MTG1: variants seen among roughly 807,000 people sequenced by gnomAD.
MTG1 encodes the protein mitochondrial ribosome-associated GTPase 1.
A neutral mutation model predicts 39.5 loss-of-function variants in MTG1; 30 were observed. That is an observed-to-expected ratio of 0.76 (90% confidence interval 0.57 to 1.03). The LOEUF (loss-of-function observed/expected upper bound fraction) is 1.03. Among genes scored for constraint, MTG1 ranks in the 50% least tolerant of loss-of-function variants. The pLI is 0.00. For synonymous variants in MTG1, 217 were observed against 179.0 expected, an observed-to-expected ratio of 1.21 and a Z score of -1.69; for missense variants, 513 against 447.4, an observed-to-expected ratio of 1.15 and a Z score of -1.32.
intron 1 of MTG1, among the ~76,000 whole-genome samples, chr10:133,395,217 A>C (rs1377306307): frequency 6.6e-6 from 1 of 152,086 alleles, no homozygotes; most frequent in Non-Finnish European, 1.5e-5. Flanking sequence ...AGCATGGTGA[A>C]ACCGTGTCTC....
intron 6 of MTG1, chr10:133,399,928 C>T (rs1040435970): frequency 7.4e-6 from 2 of 271,676 alleles, no homozygotes; most frequent in African/African-American, 4.5e-5. Context: ...GTGCATGGCT[C>T]ACGCCTGTAA....
intron 9 of MTG1, among the ~76,000 whole-genome samples, chr10:133,414,069 G>A (rs1447236925): frequency 3.4e-5 from 5 of 149,234 alleles, no homozygotes; most frequent in Non-Finnish European, 5.9e-5. Flanking sequence ...GCGACCTTCC[G>A]CAGTGTTTGT....
At chr10:133,407,354 T>G (rs960379228) in intron 9 of MTG1, among the ~76,000 whole-genome samples, 1 of 152,190 alleles carries the variant, frequency 6.6e-6, no homozygotes, top group Non-Finnish European at 1.5e-5. Flanking sequence ...TGATAACGAT[T>G]GCATTAAATC....
rs752228294 is a variant in MTG1, at chr10:133,419,584, C to T, written c.857C>T (p.Thr286Met). The change falls in exon 10 of 11, where the codon ACG becomes ATG. Residue 286 changes from threonine (T) to methionine (M), a missense_variant. Physicochemically the swap from Thr to Met is moderately conservative, Grantham distance 81. Coordinates refer to ENST00000317502, the MANE Select transcript of MTG1 (RefSeq NM_138384.4). Reference sequence around the variant, plus strand: ...AAGACGCAGAAGGTGAAGGTGCTCACGGGCACGGGTGAGTGAGGTCGCTGA... The same window carrying T: ...AAGACGCAGAAGGTGAAGGTGCTCATGGGCACGGGTGAGTGAGGTCGCTGA... ...LGKTQKVKVLTGTGNVNIIQP... is the reference protein window; with the variant it reads ...LGKTQKVKVLMGTGNVNIIQP... 2.6e-5 allele frequency: 42 copies of T among 1,602,258 alleles called. No homozygotes were observed. The highest frequency in any genetic ancestry group is 1.1e-4 in the South Asian group (10 of 89,002).
At chr10:133,412,285 C>A (rs571908185) in intron 9 of MTG1, among the ~76,000 whole-genome samples, 13 of 152,064 alleles carry the variant, frequency 8.5e-5, no homozygotes, top group Admixed American at 6.5e-5. Context: ...ATTAACTCTT[C>A]GCTATTTTTG....
Position 133,402,309 on chromosome 10 carries a change from G to A in MTG1, c.670+64G>A, listed in dbSNP as rs1031024091. 1.3e-6 allele frequency: 2 copies of A among 1,592,048 alleles called. No homozygotes were observed. The highest frequency in any genetic ancestry group is 1.7e-6 in the Non-Finnish European group (2 of 1,163,720). ...GGGCCCCTGCCACCCCACCTTTAGGGCTGGCTTTGGCACAGGGCCCCTAGA... is the reference window on the plus strand; with the variant it reads ...GGGCCCCTGCCACCCCACCTTTAGGACTGGCTTTGGCACAGGGCCCCTAGA... On this transcript the variant is annotated intron_variant, in intron 8 of 10. Transcript: ENST00000317502. This position sits in a 1 kb window ranked among gnomAD's most constrained non-coding sequence, Gnocchi z 4.7.
intron 9 of MTG1, among the ~76,000 whole-genome samples, chr10:133,403,626 C>T (rs936751210): frequency 6.6e-6 from 1 of 152,206 alleles, no homozygotes; most frequent in Non-Finnish European, 1.5e-5. Flanking sequence ...TTTTTGTTGC[C>T]AGGCGGTTTC....
intron 7 of MTG1, 163 bp downstream of exon 7, chr10:133,401,753 T>C (rs1479552945): frequency 1.4e-6 from 1 of 737,984 alleles, no homozygotes; most frequent in Non-Finnish European, 2.4e-6. Context: ...CTGCCCTTAT[T>C]CCACAGTCGT....
Position 133,394,231 on chromosome 10 carries a change from C to A in MTG1, c.11C>A (p.Thr4Asn). 6.6e-7 allele frequency: 1 copy of A among 1,516,550 alleles called. No individual in the cohort carries two copies. Among genetic ancestry groups the A allele is most frequent in the East Asian group, 2.7e-5 (1 of 37,226 alleles). 93.9% of individuals were successfully genotyped at this position (1,516,550 alleles called of 1,614,324 possible). A position where few individuals can be genotyped will look rare whatever the true frequency, so the allele number is the denominator to read the frequency against. ...GGGGACGGTGCCGCCATGAGATTGA[C>A]CCCGCGCGCGCTGTGCAGCGCCGCC... MRLTPRALCSAAQA... is the reference protein window; with the variant it reads MRLNPRALCSAAQA... Residue 4 changes from threonine to asparagine, a missense_variant, in exon 1 of 11, where the codon ACC (threonine) becomes AAC (asparagine). By Grantham distance (65) the Thr-to-Asn change is moderately conservative. Transcript: ENST00000317502.
Position 133,420,471 on chromosome 10 carries a change from C to T in MTG1, c.*306C>T, listed in dbSNP as rs1045583921. 3.2e-5 allele frequency: 11 copies of T among 347,154 alleles called. No individual in the cohort carries two copies. The highest frequency in any genetic ancestry group is 2.3e-4 in the African/African-American group (11 of 47,580). 21.5% of individuals were successfully genotyped at this position (347,154 alleles called of 1,614,324 possible). ...GTCTCAGAAGGAGTTAAAGCTATAA[C>T]CTGTAACCTTTAAAATCTCCAGTTA... On this transcript the variant is annotated 3_prime_UTR_variant, in exon 11 of 11. Coordinates refer to ENST00000317502, the MANE Select transcript of MTG1 (RefSeq NM_138384.4).
intron 9 of MTG1, among the ~76,000 whole-genome samples, chr10:133,406,719 G>A (rs1849975899): frequency 1.4e-5 from 2 of 139,280 alleles, no homozygotes; most frequent in South Asian, 4.8e-4. Context: ...AGGCTGGAGT[G>A]CAGTGGCACG....
chr10:133,394,206 G>C lies in MTG1; in HGVS notation c.-15G>C. 6.6e-7 allele frequency: 1 copy of C among 1,507,722 alleles called. No individual in the cohort carries two copies. Among genetic ancestry groups the C allele is most frequent in the Non-Finnish European group, 8.8e-7 (1 of 1,131,690 alleles). The allele number at this position is 1,507,722 out of a possible 1,614,324, so 93.4% of individuals were successfully genotyped here. On this transcript the variant is annotated 5_prime_UTR_variant, in exon 1 of 11. Transcript: ENST00000317502. ...GGAGGTCAGCTGCGGGAGCGTTTCC[G>C]GGGACGGTGCCGCCATGAGATTGAC... is the stretch of plus-strand genomic sequence containing the variant.
rs896202464 is a variant in MTG1, at chr10:133,394,581, T to A, written c.112+249T>A. On this transcript the variant is annotated intron_variant, in intron 1 of 10. Transcript: ENST00000317502. ...GCGGCGCAGCCTCGGACCCAGGGCC[T>A]GCTTGACCTCCTACCTCTGGCCCGC... 8.7e-5 allele frequency: 115 copies of A among 1,320,474 alleles called. No homozygotes were observed. The South Asian group carries it at 9.3e-4, about 11-fold the overall frequency. The allele number at this position is 1,320,474 out of a possible 1,614,324, so 81.8% of individuals were successfully genotyped here. A position where few individuals can be genotyped will look rare whatever the true frequency, so the allele number is the denominator to read the frequency against.
intron 3 of MTG1, among the ~76,000 whole-genome samples, chr10:133,398,127 G>C (rs947296344): frequency 6.6e-6 from 1 of 152,216 alleles, no homozygotes; most frequent in African/African-American, 2.4e-5. Flanking sequence ...CTGAATCAGT[G>C]AAGGACTTGT....
At chr10:133,399,330 G>T in intron 5 of MTG1, 104 bp downstream of exon 5, 1 of 1,395,560 alleles carries the variant, frequency 7.2e-7, no homozygotes, top group East Asian at 2.4e-5. Context: ...CCCAGGCAGG[G>T]AGGCCCCTCC....
At position 133,409,929 on chromosome 10, in the gene MTG1, A is replaced by G. The variant is rs138802926; in HGVS notation, c.752+7156A>G. ...TTTTTTTTTTTTGGTTTCTGTTTACATGGAATATGTTTTTCCACCCTTTGA... is the reference window on the plus strand; with the variant it reads ...TTTTTTTTTTTTGGTTTCTGTTTACGTGGAATATGTTTTTCCACCCTTTGA... On this transcript the variant is annotated intron_variant, in intron 9 of 10. Transcript: ENST00000317502. Among the ~76,000 whole-genome samples, 3 of 146,724 alleles carry G rather than the reference A, an allele frequency of 2.0e-5. No homozygotes were observed. In the East Asian group the frequency reaches 5.9e-4, roughly 29 times the overall value.
rs147046336 is a variant in MTG1, at chr10:133,421,900, C to CGGGGGGGGGGGGGGGGGGGGGGG, written c.*1737_*1738insGGGGGGGGGGGGGGGGGGGGGGG. The CGGGGGGGGGGGGGGGGGGGGGGG allele has an allele frequency of 8.6e-6, 1 of 115,862 alleles. No individual in the cohort carries two copies. Among genetic ancestry groups the CGGGGGGGGGGGGGGGGGGGGGGG allele is most frequent in the Non-Finnish European group, 1.8e-5 (1 of 55,850 alleles). 7.2% of individuals were successfully genotyped at this position (115,862 alleles called of 1,614,324 possible). ...TGGAGAGGGTGAGATCCCAAGGCCA[C>CGGGGGGGGGGGGGGGGGGGGGGG]GGCGGGGGGCAGGGAGAACCCCTCC... On this transcript the variant is annotated 3_prime_UTR_variant, in exon 11 of 11. Transcript: ENST00000317502.
At position 133,421,085 on chromosome 10, in the gene MTG1, CTT is replaced by C. The variant is rs1199349324; in HGVS notation, c.*922_*923del. 6.6e-6 allele frequency: 1 copy of C among 152,318 alleles called. No homozygotes were observed. Among genetic ancestry groups the C allele is most frequent in the African/African-American group, 2.4e-5 (1 of 41,442 alleles). The allele number at this position is 152,318 out of a possible 1,614,324, so 9.4% of individuals were successfully genotyped here. A position where few individuals can be genotyped will look rare whatever the true frequency, so the allele number is the denominator to read the frequency against. On this transcript the variant is annotated 3_prime_UTR_variant, in exon 11 of 11. Transcript: ENST00000317502. ...TCCTGTGCAGAAGCTCCGGCTGCCTCTTTGCGGTGGTGGCCTGACCGTCCCAC... is the reference window on the plus strand; with the variant it reads ...TCCTGTGCAGAAGCTCCGGCTGCCTCTGCGGTGGTGGCCTGACCGTCCCAC...
At position 133,402,844 on chromosome 10, in the gene MTG1, C is replaced by A. The variant is rs1049415280; in HGVS notation, c.752+71C>A. The stretch of plus-strand genomic sequence containing the variant: ...ACCTCATTTAAAAAAAAAAAACAAA[C>A]AAAAAAACCCCCAGCATTATAAAGG... On this transcript the variant is annotated intron_variant, in intron 9 of 10. Coordinates refer to ENST00000317502, the MANE Select transcript of MTG1 (RefSeq NM_138384.4). The surrounding 1 kb of genome is among the most constrained non-coding windows in gnomAD (Gnocchi z 4.7). 41 of 1,112,714 alleles carry A rather than the reference C, an allele frequency of 3.7e-5. No homozygotes were observed. Among genetic ancestry groups the A allele is most frequent in the Non-Finnish European group, 4.9e-5 (38 of 777,660 alleles). The allele number at this position is 1,112,714 out of a possible 1,614,324, so 68.9% of individuals were successfully genotyped here.
Sources: allele counts gnomAD v4.1 joint callset (sites outside exome capture counted in the v4.1 genomes callset), GRCh38; gene constraint gnomAD v4.1.1; non-coding constraint Gnocchi (gnomAD v3.1); transcripts MANE v1.5; gene names NCBI Gene and HGNC (gene_info 2026-07-23, HGNC 2026-07-21).